The following DNAH5 variants were observed in gnomAD, a reference collection of about 807,000 sequenced individuals.
DNAH5 encodes dynein axonemal heavy chain 5.
In DNAH5, 372 loss-of-function variants were observed where a neutral mutation model predicts 518.2. The ratio of observed to expected loss-of-function variants is 0.72; its 90% CI spans 0.66 to 0.78. DNAH5 has a LOEUF of 0.78. DNAH5 is among the 30% of genes least tolerant of loss of function. The pLI is 0.00. For missense variants in DNAH5, 5,523 were observed against 5,687.0 expected, an observed-to-expected ratio of 0.97 and a Z score of 0.93; for synonymous variants, 2,039 against 2,025.9, an observed-to-expected ratio of 1.01 and a Z score of -0.17.
At chr5:13,872,058 G>A (rs1770194918) in intron 22 of DNAH5, among the ~76,000 whole-genome samples, 1 of 152,164 alleles carries the variant, frequency 6.6e-6, no homozygotes, top group Non-Finnish European at 1.5e-5. Context: ...CTTGGTTGGA[G>A]CTGGGCCTTA....
At chr5:13,968,177 T>C (rs1010776920) in intron 1 of DNAH5, among the ~76,000 whole-genome samples, 1 of 152,224 alleles carries the variant, frequency 6.6e-6, no homozygotes, top group Admixed American at 6.5e-5. Flanking sequence ...TTTGAAGTTC[T>C]GCTGAACTCA....
chr5:13,821,605 C>T (rs1762246566), intron 40 of DNAH5, among the ~76,000 whole-genome samples: 1 of 152,122 alleles, frequency 6.6e-6, no homozygotes, highest in Admixed American at 6.6e-5. Flanking sequence ...AGTTCAAATC[C>T]ATGGTCTATG....
chr5:13,786,682 G>A (rs1393722577), intron 51 of DNAH5, among the ~76,000 whole-genome samples: 1 of 152,146 alleles, frequency 6.6e-6, no homozygotes, highest in East Asian at 1.9e-4. Context: ...CTGAATGTCA[G>A]AATCAGCAAG....
chr5:13,875,797 G>C (rs1436105832), intron 22 of DNAH5, among the ~76,000 whole-genome samples: 1 of 151,900 alleles, frequency 6.6e-6, no homozygotes, highest in Non-Finnish European at 1.5e-5. Context: ...ATTAAGAAAG[G>C]AAAATTAAAA....
chr5:13,939,590 C>G (rs758285677), intron 1 of DNAH5, among the ~76,000 whole-genome samples: 1 of 152,102 alleles, frequency 6.6e-6, no homozygotes, highest in Non-Finnish European at 1.5e-5. Context: ...CACAGGGCCC[C>G]GTCTCCTTTC....
chr5:13,726,737 C>T (rs1301669181), intron 70 of DNAH5, among the ~76,000 whole-genome samples: 1 of 152,152 alleles, frequency 6.6e-6, no homozygotes, highest in Non-Finnish European at 1.5e-5. Context: ...GAGGTAGTTA[C>T]TCCATAAGTT....
At chr5:13,794,732 G>C (rs1223844273) in intron 47 of DNAH5, among the ~76,000 whole-genome samples, 1 of 152,198 alleles carries the variant, frequency 6.6e-6, no homozygotes. Context: ...TTGGGAGGCA[G>C]AGGCGGGCAG....
At chr5:13,729,304 G>C in intron 69 of DNAH5, 135 bp downstream of exon 69, 1 of 1,177,324 alleles carries the variant, frequency 8.5e-7, no homozygotes, top group South Asian at 1.3e-5. Flanking sequence ...CTTTCAAGAA[G>C]GTCAAGCACA....
intron 60 of DNAH5, among the ~76,000 whole-genome samples, chr5:13,761,534 G>A (rs10050673): frequency 0.31 from 45,796 of 149,986 alleles, 7,416 homozygotes; most frequent in South Asian, 0.44. Flanking sequence ...CAGAGCTTCC[G>A]GTGAGCTGAG....
chr5:13,770,608 CA>C (rs1421643482), intron 56 of DNAH5, 140 bp downstream of exon 56: 3 of 739,760 alleles, frequency 4.1e-6, no homozygotes, highest in Non-Finnish European at 7.1e-6. Context: ...TACATGCCAG[CA>C]GTACCCCTTC....
intron 42 of DNAH5, among the ~76,000 whole-genome samples, chr5:13,815,545 G>A (rs1468093761): frequency 2.0e-5 from 3 of 152,170 alleles, no homozygotes; most frequent in African/African-American, 7.2e-5. Context: ...ACCCGACCAT[G>A]CTGGCTCCCT....
chr5:13,810,468 C>T, intron 44 of DNAH5: 5 of 611,708 alleles, frequency 8.2e-6, no homozygotes, highest in Non-Finnish European at 1.5e-5. Flanking sequence ...TGGCCGGGCA[C>T]GGTGGCTCAT....
intron 14 of DNAH5, 146 bp downstream of exon 14, chr5:13,901,106 T>C: frequency 1.3e-6 from 1 of 783,816 alleles, no homozygotes; most frequent in Non-Finnish European, 2.1e-6. Context: ...TTTGTGGACA[T>C]ATTACACTCT....
chr5:13,952,014 T>C (rs1319999055), intron 1 of DNAH5, among the ~76,000 whole-genome samples: 1 of 152,214 alleles, frequency 6.6e-6, no homozygotes, highest in Non-Finnish European at 1.5e-5. Flanking sequence ...TGTCATTTAA[T>C]GTAAAATAAA....
At chr5:13,718,210 A>G (rs991261900) in intron 72 of DNAH5, among the ~76,000 whole-genome samples, 2 of 152,176 alleles carry the variant, frequency 1.3e-5, no homozygotes, top group African/African-American at 2.4e-5. Flanking sequence ...ATTTATTTCA[A>G]TTCTCCTAGA....
chr5:13,885,251 G>T, intron 18 of DNAH5, 23 bp from the exon 19 acceptor site: 1 of 1,613,150 alleles, frequency 6.2e-7, no homozygotes. Flanking sequence ...GAAAGAGATA[G>T]AGATAGAGAT....
chr5:13,873,147 C>T (rs1770379526), intron 22 of DNAH5, among the ~76,000 whole-genome samples: 1 of 152,086 alleles, frequency 6.6e-6, no homozygotes, highest in African/African-American at 2.4e-5. Flanking sequence ...CCAATCAAAG[C>T]AGAAAGAACA....
intron 3 of DNAH5, among the ~76,000 whole-genome samples, chr5:13,927,682 A>G (rs1256007975): frequency 2.0e-5 from 3 of 152,234 alleles, no homozygotes; most frequent in African/African-American, 7.2e-5. Context: ...AATAATTCCT[A>G]TGTTAAAAAG....
chr5:13,997,142 C>A (rs1306006735), intron 1 of DNAH5, among the ~76,000 whole-genome samples: 2 of 152,204 alleles, frequency 1.3e-5, no homozygotes, highest in East Asian at 3.8e-4. Flanking sequence ...CCATGGTGTT[C>A]TCTCCTGAAC....
Sources: gnomAD v4.1 joint callset for allele counts (sites outside exome capture counted in the v4.1 genomes callset) on GRCh38, gnomAD v4.1.1 for gene constraint, MANE v1.5 for transcripts, NCBI Gene and HGNC (gene_info 2026-07-23, HGNC 2026-07-21) for gene names.